The following CNTLN variants were observed in gnomAD, a reference collection of about 807,000 sequenced individuals.
CNTLN encodes the protein centlein.
A neutral mutation model predicts 180.0 loss-of-function variants in CNTLN; 212 were observed. The ratio of observed to expected loss-of-function variants is 1.18; its 90% CI spans 1.05 to 1.32. CNTLN has a LOEUF of 1.32. Ranked by LOEUF, CNTLN falls within the 40% of genes most tolerant of loss-of-function variation. The pLI is 0.00. For missense variants in CNTLN, 2,095 were observed against 1,610.9 expected (o/e 1.30, Z -5.14); for synonymous variants, 722 against 563.1 (o/e 1.28, Z -3.99).
chr9:17,277,276 G>T, intron 6 of CNTLN, among the ~76,000 whole-genome samples: 1 of 75,510 alleles, frequency 1.3e-5, no homozygotes, highest in East Asian at 4.3e-4. Flanking sequence ...GGGTAGATGG[G>T]GTAGAACCAT....
chr9:17,296,477 T>C (rs1817946039), intron 6 of CNTLN, among the ~76,000 whole-genome samples: 1 of 152,200 alleles, frequency 6.6e-6, no homozygotes, highest in Admixed American at 6.5e-5. Flanking sequence ...TATTGAAAGA[T>C]GATATGTTTT....
rs749777878 is a variant in CNTLN at position 17,135,273 on chromosome 9, G to T, written c.208G>T (p.Gly70Trp). The T allele has an allele frequency of 6.9e-6, 11 of 1,598,764 alleles. No individual in the cohort carries two copies. Among genetic ancestry groups the T allele is most frequent in the East Asian group, 4.5e-5 (2 of 44,342 alleles). Residue 70 changes from glycine to tryptophan, a missense_variant, in exon 1 of 26, where the codon GGG becomes TGG. Gly to Trp is a radical substitution (Grantham distance 184). Coordinates refer to ENST00000380647, the MANE Select transcript of CNTLN (RefSeq NM_017738.4). ...AGGGTCAGGGGGCCGGCGAGGGCCT[G>T]GGGGGGCAGCTCCGGCTCATGCTCC... ...EEGSGGRRGP[G>W]GAAPAHAPLL...
intron 21 of CNTLN, 42 bp downstream of exon 21, chr9:17,464,665 C>T (rs750073112): frequency 3.3e-6 from 4 of 1,215,712 alleles, no homozygotes; most frequent in Non-Finnish European, 4.5e-6. Flanking sequence ...ATATCACTTC[C>T]TGTTGTAATT....
At chr9:17,519,841 T>C in the CNTLN span, among the ~76,000 whole-genome samples, 1 of 152,180 alleles carries the variant, frequency 6.6e-6, no homozygotes, top group Non-Finnish European at 1.5e-5. Flanking sequence ...GCATTAGGTG[T>C]CAGTAGAGTT....
chr9:17,459,975 T>A (rs1364268636), intron 19 of CNTLN, among the ~76,000 whole-genome samples: 1 of 151,788 alleles, frequency 6.6e-6, no homozygotes, highest in Non-Finnish European at 1.5e-5. Flanking sequence ...AAACTGCTAA[T>A]ATAGTGATTT....
intron 2 of CNTLN, among the ~76,000 whole-genome samples, chr9:17,162,928 A>G (rs575235738): frequency 6.6e-6 from 1 of 152,144 alleles, no homozygotes; most frequent in African/African-American, 2.4e-5. Context: ...GGTTTTGATG[A>G]GGTATTAGTC....
At chr9:17,220,752 C>T (rs1226600640) in intron 2 of CNTLN, among the ~76,000 whole-genome samples, 1 of 152,158 alleles carries the variant, frequency 6.6e-6, no homozygotes, top group African/African-American at 2.4e-5. Context: ...CAGCTCCATC[C>T]CTGTCCCTGC....
chr9:17,493,718 A>G (rs1833293583), intron 25 of CNTLN, among the ~76,000 whole-genome samples: 1 of 152,224 alleles, frequency 6.6e-6, no homozygotes, highest in Non-Finnish European at 1.5e-5. Context: ...CCATACTTAA[A>G]ATGTTTGCAT....
downstream of CNTLN, among the ~76,000 whole-genome samples, chr9:17,506,982 A>T (rs1270761892): frequency 6.6e-6 from 1 of 152,174 alleles, no homozygotes; most frequent in Non-Finnish European, 1.5e-5. Context: ...TCTTAAGAAC[A>T]TTCAAAATCC....
chr9:17,471,029 C>T (rs955173903), intron 23 of CNTLN, among the ~76,000 whole-genome samples: 3 of 151,870 alleles, frequency 2.0e-5, no homozygotes, highest in East Asian at 3.9e-4. Flanking sequence ...CTCTTTTCAC[C>T]CTGTCATTAT....
chr9:17,511,015 G>A, the CNTLN span, among the ~76,000 whole-genome samples: 1 of 152,110 alleles, frequency 6.6e-6, no homozygotes, highest in South Asian at 2.1e-4. Context: ...AGATGAAGTT[G>A]GTCTGCATCT....
intron 12 of CNTLN, among the ~76,000 whole-genome samples, chr9:17,364,511 A>G (rs1032703538): frequency 3.3e-5 from 5 of 151,722 alleles, no homozygotes; most frequent in Admixed American, 3.3e-4. Context: ...TTCTTTTTTA[A>G]TATATGTTTA....
chr9:17,272,657 T>TA (rs1423121516), intron 5 of CNTLN, among the ~76,000 whole-genome samples: 5 of 152,272 alleles, frequency 3.3e-5, no homozygotes, highest in African/African-American at 9.6e-5. Context: ...TGTGGTGTGT[T>TA]AAAAAATTTC....
At chr9:17,420,402 G>A (rs1393578530) in intron 18 of CNTLN, among the ~76,000 whole-genome samples, 2 of 152,108 alleles carry the variant, frequency 1.3e-5, no homozygotes, top group African/African-American at 4.8e-5. Flanking sequence ...TGCAGTATCT[G>A]TTGTAATATC....
At chr9:17,488,767 G>T (rs534827087) in intron 25 of CNTLN, among the ~76,000 whole-genome samples, 3 of 152,176 alleles carry the variant, frequency 2.0e-5, no homozygotes, top group Admixed American at 2.0e-4. Flanking sequence ...CACTGAGCCT[G>T]GACTCTGGAA....
At chr9:17,312,168 T>C (rs1819177474) in intron 8 of CNTLN, among the ~76,000 whole-genome samples, 1 of 151,826 alleles carries the variant, frequency 6.6e-6, no homozygotes, top group African/African-American at 2.4e-5. Flanking sequence ...TTTCTACAAA[T>C]AAGCATTCGT....
chr9:17,301,429 G>A (rs1052612673), intron 7 of CNTLN: 1 of 985,282 alleles, frequency 1.0e-6, no homozygotes, highest in African/African-American at 1.7e-5. Context: ...AGAACAAACT[G>A]AGATGTGCTA....
intron 2 of CNTLN, among the ~76,000 whole-genome samples, chr9:17,174,392 C>G (rs557895463): frequency 3.4e-4 from 52 of 152,168 alleles, no homozygotes; most frequent in African/African-American, 1.2e-3. Flanking sequence ...TTGTTATAGC[C>G]TTAGTTTGTT....
At chr9:17,268,309 C>T (rs995695707) in intron 5 of CNTLN, among the ~76,000 whole-genome samples, 1 of 152,120 alleles carries the variant, frequency 6.6e-6, no homozygotes, top group Non-Finnish European at 1.5e-5. Flanking sequence ...CACTCCAGAC[C>T]CTGTTTGCCT....
Sources: gnomAD v4.1 joint callset for allele counts (sites outside exome capture counted in the v4.1 genomes callset) on GRCh38, gnomAD v4.1.1 for gene constraint, MANE v1.5 for transcripts, NCBI Gene and HGNC (gene_info 2026-07-23, HGNC 2026-07-21) for gene names.